BTBD7: variants seen among roughly 807,000 people sequenced by gnomAD.
BTBD7 encodes BTB/POZ domain-containing protein 7.
BTBD7 carries 38 observed loss-of-function variants against 99.9 expected under a neutral mutation model. The ratio of observed to expected loss-of-function variants is 0.38; its 90% CI spans 0.29 to 0.50. The LOEUF (loss-of-function observed/expected upper bound fraction) is 0.50, where lower values mean the gene tolerates loss of function less well. Among genes scored for constraint, BTBD7 ranks in the 20% least tolerant of loss-of-function variants. The pLI, the probability that BTBD7 is intolerant of heterozygous loss-of-function variation, is 0.93. For missense variants in BTBD7, 1,170 were observed against 1,394.6 expected (o/e 0.84, Z 2.57); for synonymous variants, 520 against 511.4 (o/e 1.02, Z -0.23).
At chr14:93,272,317 T>C (rs10484032) in intron 3 of BTBD7, among the ~76,000 whole-genome samples, 25,462 of 152,170 alleles carry the variant, frequency 0.17, 2,360 homozygotes, top group East Asian at 0.31. Flanking sequence ...GTGAGTCTTA[T>C]TTTCTCATGT....
chr14:93,319,409 A>G (rs6575318), intron 1 of BTBD7, among the ~76,000 whole-genome samples: 58,634 of 152,132 alleles, frequency 0.39, 12,514 homozygotes, highest in African/African-American at 0.58. Context: ...AAGAAAATGT[A>G]GTAAATACAT....
Position 93,242,303 on chromosome 14 carries a change from C to G in BTBD7, c.3369G>C (p.Pro1123=). ...GGGCAGACTTTTTGTAGAGGAAGTC[C>G]GGCTTGCTTGGTGACCTCCTTCCTC... ...ISRGRRSPSK[P]DFLYKKSAL The change falls in exon 11 of 11, where the codon CCG becomes CCC. Residue 1123 remains proline, a synonymous_variant. Transcript: ENST00000334746. 1 of 1,613,918 alleles carries G rather than the reference C, an allele frequency of 6.2e-7. No homozygotes were observed. Among genetic ancestry groups the G allele is most frequent in the Middle Eastern group, 1.7e-4 (1 of 6,058 alleles).
chr14:93,253,439 C>T (rs1476766694), intron 7 of BTBD7, among the ~76,000 whole-genome samples: 1 of 152,152 alleles, frequency 6.6e-6, no homozygotes, highest in African/African-American at 2.4e-5. Flanking sequence ...TGCATTTTAA[C>T]ATAACCTAAG....
intron 5 of BTBD7, among the ~76,000 whole-genome samples, chr14:93,257,996 G>A (rs544123363): frequency 1.5e-4 from 22 of 151,040 alleles, no homozygotes; most frequent in Non-Finnish European, 2.8e-4. Flanking sequence ...GGGCATTAGT[G>A]AACAACAATC....
intron 1 of BTBD7, among the ~76,000 whole-genome samples, chr14:93,330,112 T>C (rs918459378): frequency 1.7e-4 from 26 of 152,332 alleles, no homozygotes; most frequent in Middle Eastern, 3.4e-3. Context: ...ACTTAACCTG[T>C]AGATCATTAA....
intron 3 of BTBD7, among the ~76,000 whole-genome samples, chr14:93,289,499 T>C (rs2052821305): frequency 6.6e-6 from 1 of 152,184 alleles, no homozygotes; most frequent in Admixed American, 6.5e-5. Flanking sequence ...AGCATCTAAT[T>C]ACAGGCTGCT....
At chr14:93,279,872 G>A (rs2052699529) in intron 3 of BTBD7, among the ~76,000 whole-genome samples, 1 of 152,108 alleles carries the variant, frequency 6.6e-6, no homozygotes, top group Non-Finnish European at 1.5e-5. Flanking sequence ...TATACCAAGG[G>A]GCTTATTTGA....
At chr14:93,253,896 A>G (rs750360793) in intron 6 of BTBD7, 106 bp from the exon 7 acceptor site, 16 of 552,590 alleles carry the variant, frequency 2.9e-5, no homozygotes, top group Non-Finnish European at 4.3e-5. Flanking sequence ...AAACTTTATC[A>G]TTTAAATAAA....
At chr14:93,308,161 C>A (rs1157112251) in intron 1 of BTBD7, among the ~76,000 whole-genome samples, 1 of 151,980 alleles carries the variant, frequency 6.6e-6, no homozygotes, top group East Asian at 1.9e-4. Flanking sequence ...GTGGTGGGCG[C>A]CTGCAGTCCC....
At chr14:93,320,957 G>A (rs2053262532) in intron 1 of BTBD7, among the ~76,000 whole-genome samples, 1 of 152,060 alleles carries the variant, frequency 6.6e-6, no homozygotes, top group African/African-American at 2.4e-5. Flanking sequence ...GTTCACAGAG[G>A]GATAATATGA....
intron 3 of BTBD7, among the ~76,000 whole-genome samples, chr14:93,289,851 C>CTTTT (rs34820136): frequency 1.6e-4 from 16 of 98,434 alleles, no homozygotes; most frequent in Admixed American, 2.3e-4. Context: ...ACTCTCTGGG[C>CTTTT]TTTTTTTTTT....
At chr14:93,289,940 T>C (rs2052828065) in intron 3 of BTBD7, among the ~76,000 whole-genome samples, 1 of 141,852 alleles carries the variant, frequency 7.0e-6, no homozygotes, top group Admixed American at 7.6e-5. Context: ...TACTGCAACC[T>C]CTGCCTCCTA....
intron 1 of BTBD7, among the ~76,000 whole-genome samples, chr14:93,307,355 A>G (rs2053082665): frequency 6.6e-6 from 1 of 151,978 alleles, no homozygotes; most frequent in African/African-American, 2.4e-5. Context: ...GGGCCTCACT[A>G]ATGTTGTCCA....
chr14:93,298,998 G>T (rs2052962099), intron 1 of BTBD7, among the ~76,000 whole-genome samples: 1 of 152,062 alleles, frequency 6.6e-6, no homozygotes, highest in Non-Finnish European at 1.5e-5. Context: ...ATCTCTTCCT[G>T]GTAGCTCCTG....
At chr14:93,269,935 G>A (rs2052583646) in intron 3 of BTBD7, among the ~76,000 whole-genome samples, 1 of 152,122 alleles carries the variant, frequency 6.6e-6, no homozygotes. Context: ...CAATGAGAGA[G>A]GCCCCAGCTG....
intron 7 of BTBD7, 48 bp from the exon 8 acceptor site, chr14:93,251,700 T>TA: frequency 7.1e-7 from 1 of 1,410,430 alleles, no homozygotes; most frequent in African/African-American, 1.4e-5. Context: ...CTTCCTCTGT[T>TA]AAATCACATT....
intron 6 of BTBD7, chr14:93,256,767 A>G (rs767672456): frequency 1.5e-4 from 23 of 154,992 alleles, no homozygotes; most frequent in Admixed American, 2.6e-4. Context: ...TTATGAAAGT[A>G]ACAAGATGAG....
chr14:93,269,154 G>T (rs1440113378), intron 3 of BTBD7, among the ~76,000 whole-genome samples: 1 of 152,070 alleles, frequency 6.6e-6, no homozygotes, highest in Non-Finnish European at 1.5e-5. Context: ...ACCAAACATG[G>T]TGATATTAAC....
In BTBD7 at chr14:93,240,262, G is replaced by A. The variant is rs981426694; in HGVS notation, c.*2011C>T. The A allele has an allele frequency of 1.3e-5, 2 of 152,690 alleles. No individual in the cohort carries two copies. The highest frequency in any genetic ancestry group is 1.9e-4 in the East Asian group (1 of 5,204). The allele number at this position is 152,690 out of a possible 1,614,324, so 9.5% of individuals were successfully genotyped here. A position where few individuals can be genotyped will look rare whatever the true frequency, so the allele number is the denominator to read the frequency against. The stretch of plus-strand genomic sequence containing the variant: ...AACCAGTCAGGCAGCAGAACGAGTG[G>A]CGGCAGTTTGCCGGGGCGTGCAGAC... On this transcript the variant is annotated 3_prime_UTR_variant, in exon 11 of 11. Coordinates refer to ENST00000334746, the MANE Select transcript of BTBD7 (RefSeq NM_001002860.4).
Sources: allele counts gnomAD v4.1 joint callset (sites outside exome capture counted in the v4.1 genomes callset), GRCh38; gene constraint gnomAD v4.1.1; transcripts MANE v1.5; gene names NCBI Gene and HGNC (gene_info 2026-07-23, HGNC 2026-07-21).